LMO7: variants seen among roughly 807,000 people sequenced by gnomAD.
LMO7 encodes LIM domain 7.
In LMO7, 120 loss-of-function variants were observed where a neutral mutation model predicts 206.5. That is an observed-to-expected ratio of 0.58 (90% CI 0.50 to 0.68). LMO7 has a LOEUF of 0.68. Among genes scored for constraint, LMO7 ranks in the 30% least tolerant of loss-of-function variants. The pLI, the probability that LMO7 is intolerant of heterozygous loss-of-function variation, is 0.00. For synonymous variants in LMO7, 706 were observed against 681.5 expected (o/e 1.04, Z -0.56); for missense variants, 1,959 against 1,957.9 (o/e 1.00, Z -0.01).
At chr13:75,731,301 G>A (rs1182169425) in intron 3 of LMO7, among the ~76,000 whole-genome samples, 44 of 152,248 alleles carry the variant, frequency 2.9e-4, no homozygotes, top group African/African-American at 7.2e-4. Flanking sequence ...TGCTTTATGA[G>A]TCTGGGTGCT....
intron 5 of LMO7, among the ~76,000 whole-genome samples, chr13:75,795,746 A>G (rs2053926850): frequency 6.6e-6 from 1 of 152,114 alleles, no homozygotes; most frequent in Non-Finnish European, 1.5e-5. Context: ...TAATGGCTGC[A>G]TAGTATTCTA....
At position 75,859,276 on chromosome 13, in the gene LMO7, T is replaced by C. The variant is rs746120877; in HGVS notation, c.*1333T>C. ...TTTATTTAGTACTTATTCTGATTAT[T>C]ATTAAAGTAATAATGTGTTCCTTGA... On this transcript the variant is annotated 3_prime_UTR_variant, in exon 31 of 31. Coordinates refer to ENST00000377534, the MANE Select transcript of LMO7 (RefSeq NM_001306080.2). 30 of 152,320 alleles carry C rather than the reference T, an allele frequency of 2.0e-4. No homozygotes were observed. Among genetic ancestry groups the C allele is most frequent in the Non-Finnish European group, 3.2e-4 (22 of 68,018 alleles). The allele number at this position is 152,320 out of a possible 1,614,324, so 9.4% of individuals were successfully genotyped here.
chr13:75,721,913 G>A (rs2138416791), intron 2 of LMO7, among the ~76,000 whole-genome samples: 1 of 152,306 alleles, frequency 6.6e-6, no homozygotes, highest in African/African-American at 2.4e-5. Context: ...AGTATTTACA[G>A]CCAACTGCTC....
At chr13:75,787,960 G>A (rs1161938346) in intron 4 of LMO7, among the ~76,000 whole-genome samples, 1 of 152,152 alleles carries the variant, frequency 6.6e-6, no homozygotes, top group Non-Finnish European at 1.5e-5. Flanking sequence ...AATGGTGATT[G>A]CACTTTTCTC....
At chr13:75,782,085 T>A (rs897048998) in intron 4 of LMO7, among the ~76,000 whole-genome samples, 1 of 152,220 alleles carries the variant, frequency 6.6e-6, no homozygotes, top group African/African-American at 2.4e-5. Context: ...GTTGCCTGTT[T>A]ACTCTGATGG....
intron 27 of LMO7, among the ~76,000 whole-genome samples, chr13:75,851,615 A>G (rs1399072708): frequency 1.3e-5 from 2 of 152,258 alleles, no homozygotes; most frequent in African/African-American, 2.4e-5. Flanking sequence ...TTTGAAAGCA[A>G]TAAAAATAAA....
At chr13:75,628,431 G>T (rs1018445203) in intron 2 of LMO7, 4 of 152,024 alleles carry the variant, frequency 2.6e-5, no homozygotes, top group Non-Finnish European at 4.4e-5. Context: ...GAACCTTCTT[G>T]TCTGAATACC....
chr13:75,739,069 G>A (rs1025663983), intron 3 of LMO7, among the ~76,000 whole-genome samples: 42 of 152,296 alleles, frequency 2.8e-4, no homozygotes, highest in Admixed American at 2.0e-4. Context: ...AATATCTCTT[G>A]AAATTGCCAG....
At chr13:75,848,501 A>G (rs1432746743) in intron 26 of LMO7, among the ~76,000 whole-genome samples, 2 of 151,958 alleles carry the variant, frequency 1.3e-5, no homozygotes, top group Admixed American at 1.3e-4. Context: ...CCACTCATTG[A>G]TTGATGGGCA....
chr13:75,752,069 T>C (rs1168601358), intron 3 of LMO7, among the ~76,000 whole-genome samples: 1 of 149,496 alleles, frequency 6.7e-6, no homozygotes, highest in Non-Finnish European at 1.5e-5. Context: ...CATAATGACA[T>C]TTATGTAAAT....
At chr13:75,774,361 C>T (rs913732965) in intron 4 of LMO7, among the ~76,000 whole-genome samples, 4 of 152,038 alleles carry the variant, frequency 2.6e-5, no homozygotes. Context: ...GAAATTGATT[C>T]ATGTTGAGTA....
At chr13:75,665,778 T>A (rs1344951494) in intron 1 of LMO7, among the ~76,000 whole-genome samples, 1 of 152,188 alleles carries the variant, frequency 6.6e-6, no homozygotes, top group Non-Finnish European at 1.5e-5. Context: ...CTGGCCGCCT[T>A]GGCCTCCCAA....
chr13:75,727,045 A>G lies in LMO7; in HGVS notation c.157A>G (p.Lys53Glu). The G allele has an allele frequency of 6.3e-7, 1 of 1,585,288 alleles. No homozygotes were observed. The highest frequency in any genetic ancestry group is 8.7e-7 in the Non-Finnish European group (1 of 1,154,684). ...VLLCDLINKL[K>E]PGVIKKINRL... ...TACTTTCAGTTTGATTAATAAGCTT[A>G]AACCTGGCGTCATTAAGAAGATCAA... The change falls in exon 3 of 31, where the codon AAA (lysine) becomes GAA (glutamate). Residue 53 changes from lysine (K) to glutamate (E), a missense_variant. Transcript: ENST00000377534.
At chr13:75,745,505 C>T (rs1305349875) in intron 3 of LMO7, among the ~76,000 whole-genome samples, 3 of 152,142 alleles carry the variant, frequency 2.0e-5, no homozygotes, top group Non-Finnish European at 4.4e-5. Context: ...GAGGGAAAGC[C>T]AGTTGAACAA....
intron 1 of LMO7, among the ~76,000 whole-genome samples, chr13:75,687,839 C>A (rs976058812): frequency 6.6e-6 from 1 of 152,100 alleles, no homozygotes; most frequent in Non-Finnish European, 1.5e-5. Flanking sequence ...AGAATAAGTA[C>A]CTGATATTGT....
At chr13:75,696,354 CAAA>C (rs529103967) in intron 1 of LMO7, among the ~76,000 whole-genome samples, 1 of 145,088 alleles carries the variant, frequency 6.9e-6, no homozygotes, top group Non-Finnish European at 1.5e-5. Context: ...GACTCCATCT[CAAA>C]AAAACAAACA....
At chr13:75,824,905 A>T (rs2057965696) in intron 15 of LMO7, among the ~76,000 whole-genome samples, 1 of 152,042 alleles carries the variant, frequency 6.6e-6, no homozygotes, top group African/African-American at 2.4e-5. Flanking sequence ...TTGCATATTT[A>T]TTATTATTGA....
intron 3 of LMO7, among the ~76,000 whole-genome samples, chr13:75,757,413 A>G (rs1255348602): frequency 6.6e-6 from 1 of 152,230 alleles, no homozygotes; most frequent in African/African-American, 2.4e-5. Context: ...TTTGGGGATA[A>G]TGTATTATGC....
chr13:75,728,323 G>T (rs2044699418), intron 3 of LMO7, among the ~76,000 whole-genome samples: 1 of 152,162 alleles, frequency 6.6e-6, no homozygotes, highest in African/African-American at 2.4e-5. Flanking sequence ...ATTCTAACTG[G>T]TGTGAGGTGG....
Sources: gnomAD v4.1 joint callset for allele counts (sites outside exome capture counted in the v4.1 genomes callset) on GRCh38, gnomAD v4.1.1 for gene constraint, MANE v1.5 for transcripts, NCBI Gene and HGNC (gene_info 2026-07-23, HGNC 2026-07-21) for gene names.